The following PABPC4L variants were observed in gnomAD, a reference collection of about 807,000 sequenced individuals.
PABPC4L encodes the protein poly(A) binding protein cytoplasmic 4 like.
For synonymous variants in PABPC4L, 169 were observed against 164.1 expected (o/e 1.03, Z -0.23); for missense variants, 452 against 451.4 (o/e 1.00, Z -0.01).
the PABPC4L span, among the ~76,000 whole-genome samples, chr4:134,155,247 C>T: frequency 6.6e-6 from 1 of 151,972 alleles, no homozygotes; most frequent in African/African-American, 2.4e-5. Flanking sequence ...AAATGGAAGG[C>T]TATATTTAAA....
the PABPC4L span, among the ~76,000 whole-genome samples, chr4:133,957,979 G>A: frequency 6.6e-6 from 1 of 152,102 alleles, no homozygotes; most frequent in Non-Finnish European, 1.5e-5. Flanking sequence ...GTGATGAGAG[G>A]GGTTGCCATG....
At chr4:134,017,581 T>C in the PABPC4L span, among the ~76,000 whole-genome samples, 2 of 152,158 alleles carry the variant, frequency 1.3e-5, no homozygotes, top group Middle Eastern at 3.2e-3. Context: ...AAATAAATAA[T>C]CTTTGCTGGC....
the PABPC4L span, among the ~76,000 whole-genome samples, chr4:134,033,075 A>C: frequency 6.7e-6 from 1 of 150,004 alleles, no homozygotes; most frequent in Non-Finnish European, 1.5e-5. Flanking sequence ...GCATCCAGCA[A>C]GTCTATAGGC....
At chr4:134,061,767 G>T in the PABPC4L span, among the ~76,000 whole-genome samples, 7 of 150,536 alleles carry the variant, frequency 4.7e-5, no homozygotes, top group Non-Finnish European at 8.9e-5. Context: ...AAGAAGTGAA[G>T]CATAAATGCT....
Position 134,201,274 on chromosome 4 carries a change from G to A in PABPC4L, c.-226-29C>T, listed in dbSNP as rs1297744434. ...TGAAATCGCAAAGAGAGATTATTAG[G>A]ACAAGACGTTCCTTCCCCTCAGATT... On this transcript the variant is annotated intron_variant, in intron 1 of 1. Transcript: ENST00000421491. 122 of 1,470,838 alleles carry A rather than the reference G, an allele frequency of 8.3e-5. No homozygotes were observed. In the South Asian group the frequency reaches 1.1e-3, roughly 13 times the overall value. The allele number at this position is 1,470,838 out of a possible 1,614,324, so 91.1% of individuals were successfully genotyped here.
the PABPC4L span, among the ~76,000 whole-genome samples, chr4:134,059,170 T>C: frequency 5.9e-5 from 9 of 151,756 alleles, no homozygotes; most frequent in African/African-American, 2.2e-4. Flanking sequence ...TCTAGGAAAA[T>C]GATATTTCAT....
chr4:133,991,026 G>C, the PABPC4L span, among the ~76,000 whole-genome samples: 1 of 152,070 alleles, frequency 6.6e-6, no homozygotes, highest in African/African-American at 2.4e-5. Context: ...TTTTGCATCA[G>C]GTTTTGTTGA....
the PABPC4L span, among the ~76,000 whole-genome samples, chr4:134,174,683 T>C: frequency 3.3e-5 from 5 of 152,202 alleles, no homozygotes; most frequent in Non-Finnish European, 5.9e-5. Context: ...TTTATATGTG[T>C]CTGCGGTTTT....
At chr4:134,089,998 GA>G in the PABPC4L span, among the ~76,000 whole-genome samples, 2 of 152,060 alleles carry the variant, frequency 1.3e-5, no homozygotes, top group Non-Finnish European at 2.9e-5. Flanking sequence ...CAAGAAAAGA[GA>G]AGGGTGAGAA....
chr4:134,063,468 C>T, the PABPC4L span, among the ~76,000 whole-genome samples: 1 of 151,980 alleles, frequency 6.6e-6, no homozygotes, highest in African/African-American at 2.4e-5. Context: ...AAGGTAAATA[C>T]ATGGGTAACC....
the PABPC4L span, among the ~76,000 whole-genome samples, chr4:134,164,188 G>A: frequency 4.6e-4 from 65 of 141,350 alleles, no homozygotes; most frequent in African/African-American, 1.3e-3. Context: ...GCGTGAACCC[G>A]GGAGGCGGAG....
the PABPC4L span, among the ~76,000 whole-genome samples, chr4:134,114,896 C>A: frequency 6.6e-6 from 1 of 151,836 alleles, no homozygotes; most frequent in Admixed American, 6.6e-5. Context: ...CTTTTGTTAT[C>A]AAAGAATTGT....
the PABPC4L span, among the ~76,000 whole-genome samples, chr4:134,165,690 A>T: frequency 1.3e-5 from 2 of 152,168 alleles, no homozygotes; most frequent in African/African-American, 4.8e-5. Flanking sequence ...GCTGGTAAGA[A>T]TGTAAATTAG....
chr4:133,978,010 A>C, the PABPC4L span: 1 of 152,190 alleles, frequency 6.6e-6, no homozygotes, highest in African/African-American at 2.4e-5. Flanking sequence ...ATGTGTAGTA[A>C]TATAGTGCAC....
chr4:133,957,117 C>T, the PABPC4L span, among the ~76,000 whole-genome samples: 1 of 152,168 alleles, frequency 6.6e-6, no homozygotes, highest in Non-Finnish European at 1.5e-5. Context: ...CAGCATTAAA[C>T]CAAAAGTCAA....
At chr4:134,011,453 G>A in the PABPC4L span, among the ~76,000 whole-genome samples, 2 of 151,990 alleles carry the variant, frequency 1.3e-5, no homozygotes, top group African/African-American at 4.8e-5. Flanking sequence ...GGAACTTAAT[G>A]CAGAAAAGGT....
At chr4:134,176,569 A>G in the PABPC4L span, among the ~76,000 whole-genome samples, 1 of 152,160 alleles carries the variant, frequency 6.6e-6, no homozygotes, top group Non-Finnish European at 1.5e-5. Context: ...GCAGACTAGA[A>G]GCAGCACATG....
At chr4:133,961,832 C>T in the PABPC4L span, among the ~76,000 whole-genome samples, 1 of 152,290 alleles carries the variant, frequency 6.6e-6, no homozygotes, top group South Asian at 2.1e-4. Context: ...CGCTCCCAAT[C>T]AGGCTAGAGG....
chr4:134,158,098 A>G, the PABPC4L span, among the ~76,000 whole-genome samples: 3,413 of 151,914 alleles, frequency 0.022, 128 homozygotes, highest in African/African-American at 0.078. Context: ...CCCTCTGTAA[A>G]TGAAATTAAA....
Sources: allele counts gnomAD v4.1 joint callset (sites outside exome capture counted in the v4.1 genomes callset), GRCh38; gene constraint gnomAD v4.1.1; transcripts MANE v1.5; gene names NCBI Gene and HGNC (gene_info 2026-07-23, HGNC 2026-07-21).